The following POPDC1 variants were observed in gnomAD, a reference collection of about 807,000 sequenced individuals.
POPDC1 encodes popeye domain-containing protein 1.
the POPDC1 span, among the ~76,000 whole-genome samples, chr6:105,110,849 A>G: frequency 6.6e-6 from 1 of 152,198 alleles, no homozygotes; most frequent in South Asian, 2.1e-4. Context: ...ACCTCCAGAT[A>G]ATTAAAACAA....
At chr6:105,135,828 T>G in the POPDC1 span, among the ~76,000 whole-genome samples, 5 of 152,158 alleles carry the variant, frequency 3.3e-5, no homozygotes, top group African/African-American at 1.2e-4. Context: ...TTTACTTTGA[T>G]TACCACTTAA....
chr6:105,117,259 C>T, the POPDC1 span, among the ~76,000 whole-genome samples: 1 of 152,126 alleles, frequency 6.6e-6, no homozygotes, highest in South Asian at 2.1e-4. Context: ...CAGCTTCAAG[C>T]AGATGAACTA....
At chr6:105,100,961 C>T in the POPDC1 span, 2 of 1,129,288 alleles carry the variant, frequency 1.8e-6, no homozygotes, top group South Asian at 2.0e-5. Flanking sequence ...TTCCTCACTT[C>T]CTCCCTCCGA....
the POPDC1 span, chr6:105,099,889 C>A: frequency 6.6e-6 from 1 of 152,290 alleles, no homozygotes; most frequent in Non-Finnish European, 1.5e-5. Flanking sequence ...CCATTTAACT[C>A]CCCTGTCCTC....
At chr6:105,119,310 G>A in the POPDC1 span, among the ~76,000 whole-genome samples, 2 of 151,734 alleles carry the variant, frequency 1.3e-5, no homozygotes, top group East Asian at 3.9e-4. Context: ...TTCATAGAAA[G>A]TATTTCTGCC....
chr6:105,129,407 AG>A, the POPDC1 span: 6 of 1,611,948 alleles, frequency 3.7e-6, no homozygotes, highest in Admixed American at 1.7e-5. Flanking sequence ...AAGATACGAC[AG>A]ATGCAAAATG....
the POPDC1 span, among the ~76,000 whole-genome samples, chr6:105,134,659 TGGG>T: frequency 6.6e-6 from 1 of 152,128 alleles, no homozygotes; most frequent in Non-Finnish European, 1.5e-5. Context: ...TGGTACAAAA[TGGG>T]TATTTTGAAA....
At chr6:105,128,978 A>T in the POPDC1 span, among the ~76,000 whole-genome samples, 1 of 152,150 alleles carries the variant, frequency 6.6e-6, no homozygotes, top group Non-Finnish European at 1.5e-5. Flanking sequence ...AAAAATATAC[A>T]GTTATTACAC....
the POPDC1 span, among the ~76,000 whole-genome samples, chr6:105,126,285 G>C: frequency 6.7e-6 from 1 of 150,334 alleles, no homozygotes; most frequent in South Asian, 2.1e-4. Flanking sequence ...GAAAGAAAAA[G>C]AAAAAGAAAA....
chr6:105,113,817 A>ATTTTTT, the POPDC1 span, among the ~76,000 whole-genome samples: 2 of 47,682 alleles, frequency 4.2e-5, 1 homozygote, highest in African/African-American at 7.0e-5. Flanking sequence ...GATGCCTGGC[A>ATTTTTT]TTTTTTTTTT....
At chr6:105,115,323 C>G in the POPDC1 span, among the ~76,000 whole-genome samples, 1 of 152,146 alleles carries the variant, frequency 6.6e-6, no homozygotes, top group Non-Finnish European at 1.5e-5. Context: ...CTCCTGACCT[C>G]GTGATCCGCC....
the POPDC1 span, among the ~76,000 whole-genome samples, chr6:105,102,051 G>C: frequency 6.6e-6 from 1 of 152,278 alleles, no homozygotes; most frequent in Non-Finnish European, 1.5e-5. Context: ...CCTCCTTACA[G>C]TCACCACCAT....
At chr6:105,107,825 G>T in the POPDC1 span, among the ~76,000 whole-genome samples, 3 of 152,036 alleles carry the variant, frequency 2.0e-5, no homozygotes, top group Admixed American at 2.0e-4. Flanking sequence ...TTCCTGGAAA[G>T]AATTCTTTTC....
At chr6:105,106,223 A>G in the POPDC1 span, among the ~76,000 whole-genome samples, 4 of 152,160 alleles carry the variant, frequency 2.6e-5, no homozygotes, top group Non-Finnish European at 4.4e-5. Flanking sequence ...TTACGTCAAG[A>G]GTTACTGTTG....
chr6:105,136,768 G>C, the POPDC1 span: 5 of 152,282 alleles, frequency 3.3e-5, no homozygotes, highest in African/African-American at 9.6e-5. Context: ...CCTCGAGGGC[G>C]CGGCCAGCGA....
chr6:105,115,232 G>A, the POPDC1 span, among the ~76,000 whole-genome samples: 2 of 152,134 alleles, frequency 1.3e-5, no homozygotes, highest in Non-Finnish European at 2.9e-5. Flanking sequence ...GACTACAGGC[G>A]CCTGCCACCA....
At chr6:105,113,994 A>C in the POPDC1 span, among the ~76,000 whole-genome samples, 79 of 152,218 alleles carry the variant, frequency 5.2e-4, no homozygotes, top group African/African-American at 1.6e-3. Context: ...ACAAAAAAAA[A>C]CAGGAGATTA....
chr6:105,118,982 G>A, the POPDC1 span, among the ~76,000 whole-genome samples: 3 of 151,910 alleles, frequency 2.0e-5, no homozygotes, highest in Admixed American at 1.3e-4. Context: ...CCAGGAGCTC[G>A]AGACCAGCCT....
the POPDC1 span, among the ~76,000 whole-genome samples, chr6:105,128,225 C>T: frequency 6.6e-6 from 1 of 152,236 alleles, no homozygotes; most frequent in African/African-American, 2.4e-5. Context: ...TGTACATCCC[C>T]TTACTCCACC....
Sources: allele counts gnomAD v4.1 joint callset (sites outside exome capture counted in the v4.1 genomes callset), GRCh38; gene constraint gnomAD v4.1.1; transcripts MANE v1.5; gene names NCBI Gene and HGNC (gene_info 2026-07-23, HGNC 2026-07-21).